CRACD: variants seen among roughly 807,000 people sequenced by gnomAD.
CRACD encodes the protein capping protein-inhibiting regulator of actin dynamics.
Under a neutral mutation model 106.8 loss-of-function variants are expected in CRACD, and 56 were observed. The observed-to-expected ratio is 0.52, with a 90% CI of 0.42 to 0.66. The LOEUF (loss-of-function observed/expected upper bound fraction) is 0.66, where lower values mean the gene tolerates loss of function less well. Ranked by LOEUF, CRACD falls within the 30% of genes least tolerant of loss-of-function variation. CRACD has a pLI of 0.00. For synonymous variants in CRACD, 754 were observed against 670.8 expected (o/e 1.12, Z -1.92); for missense variants, 1,730 against 1,623.2 (o/e 1.07, Z -1.13).
chr4:56,159,591 G>T (rs2109901477), intron 1 of CRACD, among the ~76,000 whole-genome samples: 1 of 152,192 alleles, frequency 6.6e-6, no homozygotes, highest in East Asian at 1.9e-4. Flanking sequence ...GATGGAGCTT[G>T]CAGTGAGCCA....
chr4:56,214,561 C>T (rs1467464080), intron 2 of CRACD, among the ~76,000 whole-genome samples: 1 of 151,068 alleles, frequency 6.6e-6, no homozygotes, highest in Non-Finnish European at 1.5e-5. Flanking sequence ...CGTTGCACTC[C>T]AGCCCGGGCA....
intron 2 of CRACD, among the ~76,000 whole-genome samples, chr4:56,183,962 C>G (rs192107874): frequency 6.6e-6 from 1 of 152,204 alleles, no homozygotes; most frequent in Non-Finnish European, 1.5e-5. Flanking sequence ...AGCTTTTGTG[C>G]TTCTCTTTGC....
chr4:56,100,335 T>A, intron 1 of CRACD, among the ~76,000 whole-genome samples: 1 of 152,212 alleles, frequency 6.6e-6, no homozygotes, highest in Non-Finnish European at 1.5e-5. Context: ...TAGCTAAATT[T>A]AATAAATTAC....
At position 56,323,990 on chromosome 4, in the gene CRACD, C is replaced by T. The variant is rs774478094; in HGVS notation, c.3379-114C>T. ...GGCTCATACATGTAATCCAGCCCAC[C>T]GTTGGAAGCAGAGGTCAGGGGCTGG... On this transcript the variant is annotated intron_variant, in intron 9 of 10. Transcript: ENST00000682029. 4.2e-4 allele frequency: 487 copies of T among 1,164,318 alleles called. 1 individual carries two copies. Among genetic ancestry groups the T allele is most frequent in the Non-Finnish European group, 5.6e-4 (458 of 820,994 alleles). 72.1% of individuals were successfully genotyped at this position (1,164,318 alleles called of 1,614,324 possible).
intron 2 of CRACD, among the ~76,000 whole-genome samples, chr4:56,201,818 C>T (rs1737895071): frequency 6.6e-6 from 1 of 152,104 alleles, no homozygotes; most frequent in Non-Finnish European, 1.5e-5. Flanking sequence ...AGCTTAATAG[C>T]ATGTATTAAG....
At chr4:56,099,799 A>G (rs888586780) in intron 1 of CRACD, among the ~76,000 whole-genome samples, 2 of 152,206 alleles carry the variant, frequency 1.3e-5, no homozygotes, top group Non-Finnish European at 2.9e-5. Flanking sequence ...TGAAACTGCG[A>G]CATCTCTCTG....
intron 2 of CRACD, among the ~76,000 whole-genome samples, chr4:56,191,773 G>A (rs1737380149): frequency 6.6e-6 from 1 of 152,204 alleles, no homozygotes; most frequent in Admixed American, 6.5e-5. Context: ...TGAATTCTGA[G>A]TTGTGAAACA....
intron 1 of CRACD, among the ~76,000 whole-genome samples, chr4:56,169,115 A>G (rs928996360): frequency 2.6e-5 from 4 of 152,228 alleles, no homozygotes; most frequent in African/African-American, 7.2e-5. Flanking sequence ...ATCTGTTCCC[A>G]CTGCCAGAGA....
chr4:56,327,707 C>A lies in CRACD; in HGVS notation c.3605C>A (p.Thr1202Asn). ...AAAGAAGTCACCAAGAGGTTTTCCA[C>A]CCCGGATGCTGCCCCCGTGTCAACA... ...LVKEVTKRFS[T>N]PDAAPVSTEP... The change falls in exon 11 of 11, where the codon ACC becomes AAC. Residue 1202 changes from threonine (T) to asparagine (N), a missense_variant. Physicochemically the swap from Thr to Asn is moderately conservative, Grantham distance 65. Transcript: ENST00000682029. 1.2e-6 allele frequency: 2 copies of A among 1,614,174 alleles called. No individual in the cohort carries two copies. The highest frequency in any genetic ancestry group is 1.7e-6 in the Non-Finnish European group (2 of 1,180,018).
Position 56,313,229 on chromosome 4 carries a change from G to T in CRACD, c.387G>T (p.Arg129Ser). 1.2e-6 allele frequency: 2 copies of T among 1,614,148 alleles called. No homozygotes were observed. Among genetic ancestry groups the T allele is most frequent in the Non-Finnish European group, 1.7e-6 (2 of 1,180,036 alleles). The change falls in exon 7 of 11, where the codon AGG becomes AGT. Residue 129 changes from arginine (R) to serine (S), a missense_variant. Physicochemically the swap from Arg to Ser is moderately radical, Grantham distance 110 (BLOSUM62 -1). Around this residue, in one of 5 missense-constraint regions of CRACD, gnomAD observed 1,620 missense variants for 1,481.6 expected, o/e 1.09. Coordinates refer to ENST00000682029, the MANE Select transcript of CRACD (RefSeq NM_001393381.1). The part of the protein sequence containing the change: ...VAPVKPSRPK[R>S]HFSSAGTIES... Reference sequence around the variant, plus strand: ...CCGTTAAACCGTCTCGGCCAAAAAGGCACTTCTCTTCTGCTGGCACCATCG... The same window carrying T: ...CCGTTAAACCGTCTCGGCCAAAAAGTCACTTCTCTTCTGCTGGCACCATCG...
chr4:56,321,676 T>G (rs1366865586), intron 8 of CRACD, among the ~76,000 whole-genome samples: 1 of 152,242 alleles, frequency 6.6e-6, no homozygotes, highest in Non-Finnish European at 1.5e-5. Context: ...TGATGAATTC[T>G]TTTTGATTTT....
chr4:56,198,688 G>A (rs1737737671), intron 2 of CRACD, among the ~76,000 whole-genome samples: 2 of 152,078 alleles, frequency 1.3e-5, no homozygotes, highest in Admixed American at 6.6e-5. Context: ...TTTATTGTCT[G>A]TAAGATGGAA....
chr4:56,329,329 A>C lies in CRACD; in HGVS notation c.*1525A>C, dbSNP rs2109812297. 6.6e-6 allele frequency among the ~76,000 whole-genome samples: 1 copy of C among 152,312 alleles called. No individual in the cohort carries two copies. Among genetic ancestry groups the C allele is most frequent in the East Asian group, 1.9e-4 (1 of 5,184 alleles). On this transcript the variant is annotated 3_prime_UTR_variant, in exon 11 of 11. Transcript: ENST00000682029. ...AATTACATCCTTTTTCCTCTCCTAC[A>C]AAAACATGCTTTATTAAGTATCCAT...
intron 3 of CRACD, among the ~76,000 whole-genome samples, chr4:56,296,361 G>A (rs564221265): frequency 6.6e-6 from 1 of 152,132 alleles, no homozygotes; most frequent in South Asian, 2.1e-4. Flanking sequence ...AAGGGTTGAT[G>A]TTTATAATAA....
At chr4:56,188,622 CCTCTCTCT>C (rs140815351) in intron 2 of CRACD, among the ~76,000 whole-genome samples, 5 of 121,546 alleles carry the variant, frequency 4.1e-5, no homozygotes, top group African/African-American at 1.4e-4. Context: ...ATCTGTCTAG[CCTCTCTCT>C]CTCTCTCTCT....
intron 1 of CRACD, among the ~76,000 whole-genome samples, chr4:56,081,291 A>G (rs1485746880): frequency 4.6e-5 from 7 of 152,368 alleles, no homozygotes; most frequent in Non-Finnish European, 8.8e-5. Flanking sequence ...CAGCTGTACC[A>G]TATGACACCC....
Position 56,327,726 on chromosome 4 carries a change from G to C in CRACD, c.3624G>C (p.Val1208=). 1 of 1,614,158 alleles carries C rather than the reference G, an allele frequency of 6.2e-7. No homozygotes were observed. The highest frequency in any genetic ancestry group is 8.5e-7 in the Non-Finnish European group (1 of 1,180,034). ...TTTCCACCCCGGATGCTGCCCCCGT[G>C]TCAACAGAACCAGCCTGGCTGGCTT... ...KRFSTPDAAP[V]STEPAWLALA... Residue 1208 remains valine (V), a synonymous_variant, in exon 11 of 11, where the codon GTG becomes GTC. Transcript: ENST00000682029.
chr4:56,130,898 C>T (rs1734806550), intron 1 of CRACD, among the ~76,000 whole-genome samples: 2 of 152,228 alleles, frequency 1.3e-5, no homozygotes, highest in African/African-American at 4.8e-5. Flanking sequence ...TCTCCTTTTT[C>T]CTCTGCTTTC....
chr4:56,318,163 T>G (rs903866060), intron 8 of CRACD, among the ~76,000 whole-genome samples: 2 of 152,056 alleles, frequency 1.3e-5, no homozygotes, highest in Non-Finnish European at 2.9e-5. Context: ...TTTTATTGTT[T>G]ATTATTGTTA....
Sources: allele counts gnomAD v4.1 joint callset (sites outside exome capture counted in the v4.1 genomes callset), GRCh38; gene constraint gnomAD v4.1.1; regional missense constraint gnomAD v4.1.1; transcripts MANE v1.5; gene names NCBI Gene and HGNC (gene_info 2026-07-23, HGNC 2026-07-21).